Variants in KLF8 observed in about 807,000 individuals in gnomAD.
KLF8 encodes Krueppel-like factor 8.
A neutral mutation model predicts 18.2 loss-of-function variants in KLF8; 10 were observed. The observed-to-expected ratio is 0.55, with a 90% confidence interval of 0.34 to 0.93. The LOEUF (loss-of-function observed/expected upper bound fraction) is 0.93, where lower values mean the gene tolerates loss of function less well. KLF8 is among the 40% of genes least tolerant of loss of function. KLF8 has a pLI of 0.02. For synonymous variants in KLF8, 109 were observed against 97.3 expected, an observed-to-expected ratio of 1.12 and a Z score of -0.71; for missense variants, 264 against 277.9, an observed-to-expected ratio of 0.95 and a Z score of 0.36.
the KLF8 span, among the ~76,000 whole-genome samples, chrX:55,924,848 G>GTTTTTTTTTTTTTTTTTTTTTTTTTTTTT: frequency 1.6e-5 from 1 of 62,949 alleles, no homozygotes; most frequent in Non-Finnish European, 3.2e-5. Flanking sequence ...TTTGTTTTTT[G>GTTTTTTTTTTTTTTTTTTTTTTTTTTTTT]CTTTTTTTTT....
chrX:56,159,019 G>A, the KLF8 span, among the ~76,000 whole-genome samples: 1 of 111,569 alleles, frequency 9.0e-6, no homozygotes, highest in African/African-American at 3.3e-5. Context: ...TATTGGATGT[G>A]GGTTTGTCAT....
the KLF8 span, among the ~76,000 whole-genome samples, chrX:56,162,462 G>T: frequency 8.9e-6 from 1 of 111,751 alleles, no homozygotes; most frequent in African/African-American, 3.3e-5. Context: ...TCAAGCCTCG[G>T]CAATGCCGGG....
the KLF8 span, among the ~76,000 whole-genome samples, chrX:56,095,107 C>G: frequency 9.0e-6 from 1 of 111,445 alleles, no homozygotes; most frequent in Non-Finnish European, 1.9e-5. Flanking sequence ...CAGCATGGCA[C>G]TGGTATAAAA....
the KLF8 span, among the ~76,000 whole-genome samples, chrX:56,095,693 A>T: frequency 8.9e-6 from 1 of 112,054 alleles, no homozygotes. Flanking sequence ...ACTAAGAAAC[A>T]TAAAAAATCC....
the KLF8 span, among the ~76,000 whole-genome samples, chrX:55,920,145 G>A: frequency 9.0e-5 from 10 of 111,704 alleles, no homozygotes; most frequent in African/African-American, 3.3e-4. Context: ...CCCCCGGGTG[G>A]CTAGACCTAG....
chrX:56,154,620 A>C, the KLF8 span, among the ~76,000 whole-genome samples: 38 of 112,156 alleles, frequency 3.4e-4, no homozygotes, highest in African/African-American at 1.1e-3. Flanking sequence ...TAATTAAACT[A>C]AATAGCTTCT....
At position 56,233,115 on chromosome X, in the gene KLF8, T is replaced by G. The variant is rs1405770724; in HGVS notation, c.-220T>G. On this transcript the variant is annotated 5_prime_UTR_variant, in exon 1 of 6. Coordinates refer to ENST00000468660, the MANE Select transcript of KLF8 (RefSeq NM_007250.5). ...GTTCCGAGAGTGGCCCAGCTGGGTC[T>G]GAATCGACTCCCTCCCCTTTCGACC... The G allele has an allele frequency of 6.9e-6, 3 of 435,172 alleles. No homozygotes were observed. The highest frequency in any genetic ancestry group is 8.1e-6 in the Non-Finnish European group (2 of 246,510). 35.9% of individuals were successfully genotyped at this position (435,172 alleles called of 1,213,427 possible). A position where few individuals can be genotyped will look rare whatever the true frequency, so the allele number is the denominator to read the frequency against.
At chrX:56,159,042 T>G in the KLF8 span, among the ~76,000 whole-genome samples, 1 of 111,927 alleles carries the variant, frequency 8.9e-6, no homozygotes, top group Non-Finnish European at 1.9e-5. Context: ...ATAGCTCTTA[T>G]TATTTGGAGA....
At chrX:56,258,225 T>C (rs2066826473) in intron 2 of KLF8, among the ~76,000 whole-genome samples, 1 of 112,527 alleles carries the variant, frequency 8.9e-6, no homozygotes, top group Admixed American at 9.4e-5. Flanking sequence ...GTACTTGTAA[T>C]AAAAAATACT....
At chrX:56,216,599 C>A in the KLF8 span, among the ~76,000 whole-genome samples, 31 of 108,923 alleles carry the variant, frequency 2.8e-4, no homozygotes, top group East Asian at 3.2e-3. Flanking sequence ...TGGTCTTGAA[C>A]TCCTGTCTTC....
the KLF8 span, among the ~76,000 whole-genome samples, chrX:55,999,719 A>G: frequency 1.8e-5 from 2 of 111,312 alleles, no homozygotes; most frequent in African/African-American, 6.5e-5. Flanking sequence ...CCTTTAATGA[A>G]TTCATTTATC....
chrX:56,165,125 G>C, the KLF8 span, among the ~76,000 whole-genome samples: 2 of 109,505 alleles, frequency 1.8e-5, 1 homozygote. Context: ...GTGTATATGT[G>C]CCACATTTTA....
the KLF8 span, among the ~76,000 whole-genome samples, chrX:56,069,590 G>T: frequency 8.9e-6 from 1 of 111,740 alleles, no homozygotes; most frequent in South Asian, 3.8e-4. Flanking sequence ...CGAGCTTCTG[G>T]CCCAGCAGTT....
chrX:56,080,890 T>A, the KLF8 span, among the ~76,000 whole-genome samples: 5 of 111,022 alleles, frequency 4.5e-5, no homozygotes, highest in African/African-American at 1.6e-4. Context: ...TCGCTTCATT[T>A]CATTCATTTC....
the KLF8 span, among the ~76,000 whole-genome samples, chrX:56,028,861 G>A: frequency 5.4e-5 from 6 of 111,199 alleles, no homozygotes; most frequent in Admixed American, 5.7e-4. Flanking sequence ...CAATGTGTAA[G>A]TGTTAGGAAC....
chrX:56,023,360 G>A, the KLF8 span, among the ~76,000 whole-genome samples: 1 of 111,642 alleles, frequency 9.0e-6, no homozygotes, highest in African/African-American at 3.3e-5. Context: ...TAACCAAAAG[G>A]CAGAGACAAA....
At chrX:55,921,352 A>G in the KLF8 span, among the ~76,000 whole-genome samples, 3 of 111,485 alleles carry the variant, frequency 2.7e-5, no homozygotes, top group East Asian at 8.4e-4. Context: ...ATGGTTGTAG[A>G]TGTGTGACCT....
At chrX:56,124,271 G>A in the KLF8 span, among the ~76,000 whole-genome samples, 1 of 111,657 alleles carries the variant, frequency 9.0e-6, no homozygotes, top group Non-Finnish European at 1.9e-5. Context: ...TGAAGGCAGG[G>A]ATGTGTACCT....
chrX:55,975,030 T>G, the KLF8 span, among the ~76,000 whole-genome samples: 2 of 112,059 alleles, frequency 1.8e-5, no homozygotes, highest in African/African-American at 6.5e-5. Context: ...TGGGATTACA[T>G]TCTGATAAAC....
Sources: gnomAD v4.1 joint callset for allele counts (sites outside exome capture counted in the v4.1 genomes callset) on GRCh38, gnomAD v4.1.1 for gene constraint, MANE v1.5 for transcripts, NCBI Gene and HGNC (gene_info 2026-07-23, HGNC 2026-07-21) for gene names.